Variants in AGBL1 observed in about 807,000 individuals in gnomAD.
AGBL1 encodes the protein cytosolic carboxypeptidase 4.
A neutral mutation model predicts 118.9 loss-of-function variants in AGBL1; 130 were observed. The ratio of observed to expected loss-of-function variants is 1.09; its 90% CI spans 0.95 to 1.26. The LOEUF is 1.26. AGBL1 is among the 50% of genes most tolerant of loss of function. The pLI is 0.00. For synonymous variants in AGBL1, 555 were observed against 478.9 expected (o/e 1.16, Z -2.08); for missense variants, 1,584 against 1,298.1 (o/e 1.22, Z -3.38).
chr15:86,142,249 T>C (rs1224918893), intron 2 of AGBL1, among the ~76,000 whole-genome samples, 182 bp downstream of exon 2: 1 of 152,212 alleles, frequency 6.6e-6, no homozygotes, highest in Non-Finnish European at 1.5e-5. Flanking sequence ...GGACTGTTTG[T>C]ACTTGCACTC....
chr15:86,779,024 G>A (rs765290832), intron 22 of AGBL1, among the ~76,000 whole-genome samples: 3 of 152,140 alleles, frequency 2.0e-5, no homozygotes, highest in Non-Finnish European at 2.9e-5. Context: ...CTCCCTTCCA[G>A]GTTCCTGACT....
chr15:86,863,216 C>T (rs139144087), intron 22 of AGBL1, among the ~76,000 whole-genome samples: 176 of 152,230 alleles, frequency 1.2e-3, no homozygotes, highest in Admixed American at 2.5e-3. Context: ...ATAGAGACTC[C>T]GGATAAATGA....
intron 18 of AGBL1, among the ~76,000 whole-genome samples, chr15:86,412,792 C>T (rs2081640886): frequency 6.6e-6 from 1 of 152,306 alleles, no homozygotes; most frequent in Non-Finnish European, 1.5e-5. Context: ...TCTCTACTAT[C>T]ACCACCACCA....
At chr15:86,749,132 C>T (rs985389799) in intron 22 of AGBL1, among the ~76,000 whole-genome samples, 1 of 152,100 alleles carries the variant, frequency 6.6e-6, no homozygotes, top group Admixed American at 6.6e-5. Context: ...TTGATTCTTC[C>T]TATCAATGAG....
At chr15:86,893,905 C>T (rs2080086352) in intron 22 of AGBL1, among the ~76,000 whole-genome samples, 1 of 152,112 alleles carries the variant, frequency 6.6e-6, no homozygotes, top group Non-Finnish European at 1.5e-5. Context: ...AATAAGATTC[C>T]CATTTTACAC....
chr15:86,117,766 A>C (rs1371167561), intron 1 of AGBL1, among the ~76,000 whole-genome samples: 1 of 152,208 alleles, frequency 6.6e-6, no homozygotes, highest in African/African-American at 2.4e-5. Context: ...AAAAGTAACA[A>C]CAACAACTAA....
intron 18 of AGBL1, among the ~76,000 whole-genome samples, chr15:86,404,810 G>T (rs2081499786): frequency 6.6e-6 from 1 of 152,208 alleles, no homozygotes; most frequent in Non-Finnish European, 1.5e-5. Context: ...TATAAGCCAT[G>T]CTGCTGGTAC....
At chr15:86,125,088 G>T (rs1287412091) in intron 1 of AGBL1, among the ~76,000 whole-genome samples, 1 of 152,184 alleles carries the variant, frequency 6.6e-6, no homozygotes, top group African/African-American at 2.4e-5. Flanking sequence ...TGAGAGTAAA[G>T]AACTTTGGTT....
chr15:86,471,904 A>G (rs187024927), intron 18 of AGBL1, among the ~76,000 whole-genome samples: 1 of 152,344 alleles, frequency 6.6e-6, no homozygotes, highest in East Asian at 1.9e-4. Context: ...CACTAAGTTA[A>G]AGATCTCAAA....
intron 18 of AGBL1, among the ~76,000 whole-genome samples, chr15:86,400,363 T>C (rs567092891): frequency 6.6e-6 from 1 of 152,086 alleles, no homozygotes; most frequent in African/African-American, 2.4e-5. Context: ...CTTGTGTATA[T>C]GGTATTTTTT....
intron 22 of AGBL1, among the ~76,000 whole-genome samples, chr15:86,828,395 T>A (rs533550401): frequency 1.4e-5 from 2 of 147,876 alleles, no homozygotes; most frequent in East Asian, 4.1e-4. Flanking sequence ...AAGTGTAGAA[T>A]CTCGAGATGG....
In AGBL1 at chr15:86,613,756, C is replaced by T. The variant is rs2084687450; in HGVS notation, c.2994+59219C>T. ...CTTCAGAACAGCATCATCTCCATCA[C>T]CAGGGAGCTTGTTAGAAATGCAGAA... On this transcript the variant is annotated intron_variant, in intron 21 of 22. Transcript: ENST00000614907. The surrounding 1 kb of genome is among the most constrained non-coding windows in gnomAD (Gnocchi z 4.2). 6.6e-6 allele frequency among the ~76,000 whole-genome samples: 1 copy of T among 152,182 alleles called. No homozygotes were observed. Among genetic ancestry groups the T allele is most frequent in the Non-Finnish European group, 1.5e-5 (1 of 68,022 alleles).
intron 5 of AGBL1, among the ~76,000 whole-genome samples, chr15:86,202,861 C>T (rs1349682221): frequency 6.6e-6 from 1 of 152,056 alleles, no homozygotes; most frequent in Non-Finnish European, 1.5e-5. Flanking sequence ...AGGGTCCATC[C>T]CTGCTCTGGA....
chr15:86,430,857 A>G (rs2081927345), intron 18 of AGBL1, among the ~76,000 whole-genome samples: 1 of 152,202 alleles, frequency 6.6e-6, no homozygotes, highest in Non-Finnish European at 1.5e-5. Context: ...TGAATTATTA[A>G]ACTGGTTGTT....
chr15:86,433,158 T>G (rs1372664542), intron 18 of AGBL1, among the ~76,000 whole-genome samples: 2 of 151,672 alleles, frequency 1.3e-5, no homozygotes, highest in African/African-American at 4.8e-5. Flanking sequence ...TTCCTGGCCT[T>G]AAAAAGATGA....
chr15:86,533,992 T>G (rs1328919896), intron 19 of AGBL1, among the ~76,000 whole-genome samples: 2 of 111,064 alleles, frequency 1.8e-5, no homozygotes, highest in African/African-American at 3.7e-5. Flanking sequence ...GGGGTAGCAT[T>G]GGGAGATATA....
intron 22 of AGBL1, among the ~76,000 whole-genome samples, chr15:86,883,727 C>T (rs1161813308): frequency 2.6e-5 from 4 of 152,064 alleles, no homozygotes; most frequent in African/African-American, 9.7e-5. Context: ...TTCTTTCCTT[C>T]TTCCATTTTT....
At chr15:86,675,840 T>C (rs747609870) in intron 22 of AGBL1, among the ~76,000 whole-genome samples, 1 of 152,196 alleles carries the variant, frequency 6.6e-6, no homozygotes, top group Non-Finnish European at 1.5e-5. Flanking sequence ...CTGGCATTGC[T>C]TGCTTTCGTC....
intron 22 of AGBL1, among the ~76,000 whole-genome samples, chr15:86,720,320 G>T (rs28579055): frequency 0.042 from 6,327 of 152,152 alleles, 324 homozygotes; most frequent in African/African-American, 0.12. Flanking sequence ...TCAAATCCTG[G>T]GGGTCATCAA....
Sources: gnomAD v4.1 joint callset for allele counts (sites outside exome capture counted in the v4.1 genomes callset) on GRCh38, gnomAD v4.1.1 for gene constraint, Gnocchi (gnomAD v3.1) non-coding constraint, MANE v1.5 for transcripts, NCBI Gene and HGNC (gene_info 2026-07-23, HGNC 2026-07-21) for gene names.